HECW1: variants seen among roughly 807,000 people sequenced by gnomAD.
HECW1 encodes the protein E3 ubiquitin-protein ligase HECW1.
HECW1 carries 61 observed loss-of-function variants against 182.3 expected under a neutral mutation model. The observed-to-expected ratio is 0.33, with a 90% confidence interval of 0.27 to 0.41. The LOEUF (loss-of-function observed/expected upper bound fraction) is 0.41, where lower values mean the gene tolerates loss of function less well. Ranked by LOEUF, HECW1 falls within the 10% of genes least tolerant of loss-of-function variation. The pLI, the probability that HECW1 is intolerant of heterozygous loss-of-function variation, is 1.00. For missense variants in HECW1, 1,739 were observed against 2,108.9 expected (o/e 0.82, Z 3.44); for synonymous variants, 859 against 832.6 (o/e 1.03, Z -0.55).
chr7:43,223,662 A>G (rs1222298085), intron 2 of HECW1, among the ~76,000 whole-genome samples: 1 of 151,876 alleles, frequency 6.6e-6, no homozygotes, highest in Non-Finnish European at 1.5e-5. Flanking sequence ...TCTCTGTTCA[A>G]ATCCCATCAG....
At chr7:43,116,974 G>T (rs191834023) in intron 2 of HECW1, among the ~76,000 whole-genome samples, 1 of 152,334 alleles carries the variant, frequency 6.6e-6, no homozygotes, top group Non-Finnish European at 1.5e-5. Context: ...ATGTAGAGAA[G>T]AAATAATTAA....
At chr7:43,551,948 G>C (rs905329180) in intron 27 of HECW1, among the ~76,000 whole-genome samples, 2 of 148,756 alleles carry the variant, frequency 1.3e-5, no homozygotes, top group African/African-American at 4.9e-5. Context: ...TTTAATAAAA[G>C]CATGAAGCTC....
intron 2 of HECW1, among the ~76,000 whole-genome samples, chr7:43,128,832 T>G (rs571488285): frequency 6.6e-6 from 1 of 152,078 alleles, no homozygotes; most frequent in Non-Finnish European, 1.5e-5. Context: ...TTGGAAGACA[T>G]TGGTTGCAAC....
chr7:43,480,138 A>G (rs2078371541), intron 17 of HECW1, among the ~76,000 whole-genome samples: 1 of 152,184 alleles, frequency 6.6e-6, no homozygotes. Flanking sequence ...AAAACATCCT[A>G]GAAAATACTT....
At chr7:43,473,343 G>C (rs2078095988) in intron 16 of HECW1, among the ~76,000 whole-genome samples, 1 of 152,110 alleles carries the variant, frequency 6.6e-6, no homozygotes, top group South Asian at 2.1e-4. Context: ...TTCCTGTGTA[G>C]CAACACAAAC....
chr7:43,480,565 A>G (rs977040341), intron 17 of HECW1, among the ~76,000 whole-genome samples: 2 of 151,978 alleles, frequency 1.3e-5, no homozygotes, highest in Non-Finnish European at 2.9e-5. Context: ...AATCAAAAAT[A>G]TGGAGTAGGA....
chr7:43,501,399 C>T (rs1283531314), intron 21 of HECW1, 77 bp downstream of exon 21: 2 of 811,762 alleles, frequency 2.5e-6, no homozygotes, highest in African/African-American at 1.7e-5. Flanking sequence ...TGAAAGGCAA[C>T]TGTATGTGTG....
At chr7:43,140,479 C>A (rs572516157) in intron 2 of HECW1, among the ~76,000 whole-genome samples, 2 of 152,176 alleles carry the variant, frequency 1.3e-5, no homozygotes, top group Non-Finnish European at 2.9e-5. Context: ...AATGCTGTTC[C>A]GTCACACTCA....
intron 2 of HECW1, among the ~76,000 whole-genome samples, chr7:43,221,769 G>A (rs1796996629): frequency 1.3e-5 from 2 of 151,778 alleles, no homozygotes; most frequent in East Asian, 1.9e-4. Flanking sequence ...TAGCCAGGAT[G>A]GTGTCGATCT....
chr7:43,561,541 CA>C (rs2082208097), intron 29 of HECW1, among the ~76,000 whole-genome samples: 1 of 152,180 alleles, frequency 6.6e-6, no homozygotes, highest in Admixed American at 6.5e-5. Context: ...AGGCTGATAC[CA>C]TAGAGTTTAT....
At chr7:43,392,676 G>T (rs1189018869) in intron 6 of HECW1, among the ~76,000 whole-genome samples, 1 of 152,204 alleles carries the variant, frequency 6.6e-6, no homozygotes, top group Non-Finnish European at 1.5e-5. Context: ...ATATAGGTCA[G>T]CACACATATA....
rs1479454665 is a variant in HECW1, at chr7:43,565,931, TACTC to T, written c.*4007_*4010del. ...CATCAGCAAGAGAAATGTCACGTGA[TACTC>T]AGGCCGCGCTTTCTCTTCCATCACA... On this transcript the variant is annotated 3_prime_UTR_variant, in exon 30 of 30. Transcript: ENST00000395891. 1 of 194,226 alleles carries T rather than the reference TACTC, an allele frequency of 5.1e-6. No homozygotes were observed. Among genetic ancestry groups the T allele is most frequent in the Non-Finnish European group, 1.1e-5 (1 of 93,264 alleles). The allele number at this position is 194,226 out of a possible 1,614,324, so 12.0% of individuals were successfully genotyped here. A position where few individuals can be genotyped will look rare whatever the true frequency, so the allele number is the denominator to read the frequency against.
intron 8 of HECW1, among the ~76,000 whole-genome samples, chr7:43,435,425 G>A (rs1003033459): frequency 2.0e-5 from 3 of 152,128 alleles, no homozygotes; most frequent in Non-Finnish European, 4.4e-5. Context: ...GGAATGATTA[G>A]TTCTTAGGAG....
At chr7:43,254,514 T>G (rs1373279120) in intron 3 of HECW1, among the ~76,000 whole-genome samples, 1 of 152,230 alleles carries the variant, frequency 6.6e-6, no homozygotes, top group African/African-American at 2.4e-5. Flanking sequence ...TGGAAAGTTA[T>G]GTCAAGGAGT....
intron 7 of HECW1, among the ~76,000 whole-genome samples, chr7:43,405,865 G>A (rs1280497090): frequency 6.6e-6 from 1 of 152,186 alleles, no homozygotes; most frequent in Non-Finnish European, 1.5e-5. Flanking sequence ...CTGCAGATGT[G>A]GCCTGGGTTT....
intron 7 of HECW1, among the ~76,000 whole-genome samples, chr7:43,406,142 C>T (rs1200144169): frequency 2.0e-5 from 3 of 152,184 alleles, no homozygotes. Context: ...TTGCACAGAG[C>T]AAGGGCTTAT....
Position 43,308,218 on chromosome 7 carries a change from G to A in HECW1, c.28-3545G>A, listed in dbSNP as rs1286677281. ...ATTTATATATATTTTTATATATTAT[G>A]ATATATTTTTATATAATAATATATA... is the stretch of plus-strand genomic sequence containing the variant. On this transcript the variant is annotated intron_variant, in intron 3 of 29. Transcript: ENST00000395891. Among the ~76,000 whole-genome samples the A allele has an allele frequency of 4.0e-4, 29 of 71,946 alleles. 1 individual carries two copies. Among genetic ancestry groups the A allele is most frequent in the African/African-American group, 1.6e-3 (24 of 15,160 alleles). 47.2% of individuals were successfully genotyped at this position (71,946 alleles called of 152,430 possible).
chr7:43,380,850 G>GTA (rs566695248), intron 6 of HECW1, among the ~76,000 whole-genome samples: 8 of 152,104 alleles, frequency 5.3e-5, no homozygotes, highest in Non-Finnish European at 1.0e-4. Flanking sequence ...CTTTTGATGG[G>GTA]TATATAATTA....
chr7:43,160,945 T>C (rs1790462982), intron 2 of HECW1, among the ~76,000 whole-genome samples: 1 of 152,128 alleles, frequency 6.6e-6, no homozygotes, highest in Admixed American at 6.6e-5. Flanking sequence ...ACTTTCCTTA[T>C]TTAAATTTTA....
Sources: gnomAD v4.1 joint callset for allele counts (sites outside exome capture counted in the v4.1 genomes callset) on GRCh38, gnomAD v4.1.1 for gene constraint, MANE v1.5 for transcripts, NCBI Gene and HGNC (gene_info 2026-07-23, HGNC 2026-07-21) for gene names.